Variants in CSMD2 observed in about 807,000 individuals in gnomAD.
CSMD2 encodes the protein CUB and sushi domain-containing protein 2.
A neutral mutation model predicts 398.5 loss-of-function variants in CSMD2; 130 were observed. The ratio of observed to expected loss-of-function variants is 0.33; its 90% CI spans 0.28 to 0.38. CSMD2 has a LOEUF of 0.38. Ranked by LOEUF, CSMD2 falls within the 10% of genes least tolerant of loss-of-function variation. The probability of loss-of-function intolerance (pLI) is 1.00; values close to 1 mark genes in which losing one functional copy is unlikely to be tolerated. For missense variants in CSMD2, 3,829 were observed against 4,764.9 expected (o/e 0.80, Z 5.78); for synonymous variants, 1,828 against 1,908.5 (o/e 0.96, Z 1.10).
intron 2 of CSMD2, among the ~76,000 whole-genome samples, chr1:34,055,283 T>G (rs1403448456): frequency 6.6e-6 from 1 of 152,252 alleles, no homozygotes; most frequent in African/African-American, 2.4e-5. Flanking sequence ...GGAGGTGGGA[T>G]GGGGTTCCCC....
At position 34,076,909 on chromosome 1, in the gene CSMD2, CAAAA is replaced by C. The variant is rs1160217243; in HGVS notation, c.404+12064_404+12067del. Among the ~76,000 whole-genome samples, 125 of 10,206 alleles carry C rather than the reference CAAAA, an allele frequency of 0.012. 2 individuals carry two copies. In the East Asian group the frequency reaches 0.2, roughly 16 times the overall value. The allele number at this position is 10,206 out of a possible 152,430, so 6.7% of individuals were successfully genotyped here. On this transcript the variant is annotated intron_variant, in intron 2 of 70. Transcript: ENST00000373381. ...ACTGTATGGCTCTGTTACAGCAAAG[CAAAA>C]AAAAAAAAAAAAAAAATATATATAT...
intron 3 of CSMD2, among the ~76,000 whole-genome samples, chr1:33,965,964 A>C (rs762331807): frequency 2.6e-5 from 4 of 152,194 alleles, no homozygotes; most frequent in Non-Finnish European, 5.9e-5. Flanking sequence ...GACGGGAGAA[A>C]CCAGCAGTAA....
intron 53 of CSMD2, among the ~76,000 whole-genome samples, chr1:33,567,176 A>C (rs1435592985): frequency 1.3e-5 from 2 of 152,098 alleles, no homozygotes; most frequent in Non-Finnish European, 2.9e-5. Flanking sequence ...ATCAATACCA[A>C]AATTACAGAA....
At chr1:33,988,106 G>C (rs1405850910) in intron 3 of CSMD2, among the ~76,000 whole-genome samples, 1 of 152,184 alleles carries the variant, frequency 6.6e-6, no homozygotes, top group Non-Finnish European at 1.5e-5. Context: ...CCATTCATTT[G>C]TTCATCTCTG....
At chr1:33,542,178 T>C (rs1656409364) in intron 58 of CSMD2, among the ~76,000 whole-genome samples, 1 of 152,218 alleles carries the variant, frequency 6.6e-6, no homozygotes, top group Non-Finnish European at 1.5e-5. Context: ...TGACTCACTT[T>C]TCCCAGAAAA....
intron 5 of CSMD2, among the ~76,000 whole-genome samples, chr1:33,911,397 C>A (rs530020330): frequency 4.6e-5 from 7 of 152,258 alleles, no homozygotes; most frequent in African/African-American, 1.7e-4. Context: ...TCACTGAGAT[C>A]AAATGGTTCT....
chr1:34,027,328 T>G (rs1308956120), intron 3 of CSMD2, among the ~76,000 whole-genome samples: 1 of 152,318 alleles, frequency 6.6e-6, no homozygotes, highest in African/African-American at 2.4e-5. Context: ...ACAAATGGGA[T>G]GTCATTTTCC....
Position 33,557,745 on chromosome 1 carries a change from G to A in CSMD2, c.8732C>T (p.Pro2911Leu). 6.5e-7 allele frequency: 1 copy of A among 1,535,948 alleles called. No homozygotes were observed. Among genetic ancestry groups the A allele is most frequent in the Non-Finnish European group, 8.7e-7 (1 of 1,146,870 alleles). ...QGDGTWDRPR[P>L]QCLLVSCGHP... ...TGACATCTACTTACAGAGACACTGG[G>A]GGCGGGGACGGTCCCATGTGCCATC... Residue 2911 changes from proline to leucine, a missense_variant, in exon 55 of 71, where the codon CCC (proline) becomes CTC (leucine). Coordinates refer to ENST00000373381, the MANE Select transcript of CSMD2 (RefSeq NM_001281956.2).
chr1:33,629,262 A>G (rs1158555417), intron 32 of CSMD2, among the ~76,000 whole-genome samples: 1 of 152,356 alleles, frequency 6.6e-6, no homozygotes, highest in East Asian at 1.9e-4. Context: ...AAAAGTCCAA[A>G]TATATCAAGA....
chr1:33,866,293 T>C (rs937151932), intron 5 of CSMD2, among the ~76,000 whole-genome samples: 2 of 152,206 alleles, frequency 1.3e-5, no homozygotes, highest in African/African-American at 4.8e-5. Context: ...TCCCGCCCTA[T>C]AAAAAATTTC....
intron 5 of CSMD2, among the ~76,000 whole-genome samples, chr1:33,888,511 A>G (rs533070472): frequency 4.0e-4 from 61 of 152,302 alleles, no homozygotes; most frequent in African/African-American, 1.4e-3. Context: ...TTCAAATCAG[A>G]AAGGACAGGT....
At chr1:33,999,575 G>A (rs565499290) in intron 3 of CSMD2, among the ~76,000 whole-genome samples, 209 of 150,994 alleles carry the variant, frequency 1.4e-3, no homozygotes, top group Admixed American at 2.6e-3. Context: ...TTTTTTTTTG[G>A]TAGACAGGGT....
chr1:34,115,442 A>G (rs1661515424), intron 1 of CSMD2, among the ~76,000 whole-genome samples: 1 of 152,168 alleles, frequency 6.6e-6, no homozygotes, highest in Admixed American at 6.5e-5. Flanking sequence ...GAGGTGATAT[A>G]TTCAAAGTAC....
intron 11 of CSMD2, 28 bp downstream of exon 11, chr1:33,792,395 T>C: frequency 6.4e-7 from 1 of 1,561,860 alleles, no homozygotes; most frequent in Non-Finnish European, 8.8e-7. Flanking sequence ...CGTCCCACCT[T>C]CCAAACAACA....
chr1:34,137,865 G>A (rs1638910084), intron 1 of CSMD2, among the ~76,000 whole-genome samples: 1 of 152,200 alleles, frequency 6.6e-6, no homozygotes, highest in South Asian at 2.1e-4. Context: ...CGTTCACAGA[G>A]GTTAAGTAAT....
At chr1:33,882,868 G>A (rs547432503) in intron 5 of CSMD2, among the ~76,000 whole-genome samples, 19 of 149,112 alleles carry the variant, frequency 1.3e-4, no homozygotes, top group African/African-American at 4.5e-4. Flanking sequence ...TCTTCCCTTC[G>A]TGGCTACGGA....
intron 15 of CSMD2, among the ~76,000 whole-genome samples, chr1:33,729,719 T>C (rs563705): frequency 0.4 from 60,284 of 151,586 alleles, 14,533 homozygotes; most frequent in African/African-American, 0.69. Flanking sequence ...AAAAGATGAT[T>C]GACCTCACTC....
At chr1:33,554,029 G>A (rs1233842464) in intron 55 of CSMD2, among the ~76,000 whole-genome samples, 1 of 152,044 alleles carries the variant, frequency 6.6e-6, no homozygotes, top group Non-Finnish European at 1.5e-5. Flanking sequence ...GGCTTATGAC[G>A]TTTAAGGAAA....
At chr1:33,676,599 G>GA (rs1158973833) in intron 25 of CSMD2, among the ~76,000 whole-genome samples, 1 of 152,054 alleles carries the variant, frequency 6.6e-6, no homozygotes, top group East Asian at 1.9e-4. Context: ...CACAGAATTG[G>GA]AAAAAACTAC....
Sources: gnomAD v4.1 joint callset for allele counts (sites outside exome capture counted in the v4.1 genomes callset) on GRCh38, gnomAD v4.1.1 for gene constraint, MANE v1.5 for transcripts, NCBI Gene and HGNC (gene_info 2026-07-23, HGNC 2026-07-21) for gene names.